Variants in BDP1 observed in about 807,000 individuals in gnomAD.
The protein encoded by BDP1 is BDP1 general transcription factor IIIB subunit, also known as transcription factor TFIIIB component B'' homolog.
A neutral mutation model predicts 266.6 loss-of-function variants in BDP1; 169 were observed. The ratio of observed to expected loss-of-function variants is 0.63; its 90% confidence interval spans 0.56 to 0.72. The LOEUF is 0.72. Ranked by LOEUF, BDP1 falls within the 30% of genes least tolerant of loss-of-function variation. The pLI is 0.00. For missense variants in BDP1, 3,015 were observed against 3,053.8 expected (o/e 0.99, Z 0.30); for synonymous variants, 1,090 against 1,022.4 (o/e 1.07, Z -1.26).
chr5:71,466,699 T>A (rs1761928785), intron 5 of BDP1, among the ~76,000 whole-genome samples: 1 of 152,216 alleles, frequency 6.6e-6, no homozygotes, highest in Non-Finnish European at 1.5e-5. Flanking sequence ...TTCTCAGTTA[T>A]AACATTAAAT....
Position 71,553,208 on chromosome 5 carries a change from A to C in BDP1, c.7088A>C (p.Asp2363Ala). 2 of 1,613,318 alleles carry C rather than the reference A, an allele frequency of 1.2e-6. No homozygotes were observed. Among genetic ancestry groups the C allele is most frequent in the Non-Finnish European group, 1.7e-6 (2 of 1,179,878 alleles). The change falls in exon 35 of 39, where the codon GAT (aspartate) becomes GCT (alanine). Residue 2363 changes from aspartate to alanine, a missense_variant. Coordinates refer to ENST00000358731, the MANE Select transcript of BDP1 (RefSeq NM_018429.3). ...DNSKKPPDNL[D>A]LVSRKRFQCR... is the part of the protein sequence containing the mutation. The stretch of plus-strand genomic sequence containing the variant: ...TCTAAAAAGCCGCCTGATAATTTGG[A>C]TCTTGTATCTAGGAAGAGATTTCAA...
intron 34 of BDP1, 95 bp from the exon 35 acceptor site, chr5:71,553,021 C>T: frequency 9.3e-7 from 1 of 1,076,954 alleles, no homozygotes; most frequent in Non-Finnish European, 1.3e-6. Context: ...CAGCCTTTAA[C>T]TTTATTATTG....
Position 71,495,419 on chromosome 5 carries a change from T to C in BDP1, c.1799+11T>C. The C allele has an allele frequency of 2.6e-6, 4 of 1,534,200 alleles. No homozygotes were observed. Among genetic ancestry groups the C allele is most frequent in the Non-Finnish European group, 2.7e-6 (3 of 1,128,374 alleles). ...AAAAAATAATTCACTGTAAGTATTT[T>C]ATACGATAGGATTTATTTATAAAAT... On this transcript the variant is annotated intron_variant, in intron 12 of 38. Coordinates refer to ENST00000358731, the MANE Select transcript of BDP1 (RefSeq NM_018429.3).
intron 19 of BDP1, among the ~76,000 whole-genome samples, chr5:71,514,163 A>G (rs1375185782): frequency 6.6e-6 from 1 of 152,216 alleles, no homozygotes; most frequent in Non-Finnish European, 1.5e-5. Context: ...TCAAAAAAAC[A>G]TTGAAACGAA....
Position 71,542,269 on chromosome 5 carries a change from A to G in BDP1, c.6412+4A>G. On this transcript the variant is annotated splice_donor_region_variant and intron_variant, in intron 30 of 38. Transcript: ENST00000358731. ...GCAGAAATGGAAACTCAAAGAGGTAAATTTTATTCTCTTAATATGTTGCAA... is the reference window on the plus strand; with the variant it reads ...GCAGAAATGGAAACTCAAAGAGGTAGATTTTATTCTCTTAATATGTTGCAA... 1.2e-6 allele frequency: 2 copies of G among 1,603,524 alleles called. No homozygotes were observed. The highest frequency in any genetic ancestry group is 1.7e-6 in the Non-Finnish European group (2 of 1,177,224).
At chr5:71,562,685 A>C in intron 38 of BDP1, 165 bp downstream of exon 38, 1 of 1,481,434 alleles carries the variant, frequency 6.8e-7, no homozygotes, top group South Asian at 1.2e-5. Context: ...GAAGAAGAAA[A>C]GGTGTTGAGT....
At chr5:71,569,466 G>A (rs1220319626), downstream of BDP1, among the ~76,000 whole-genome samples, 1 of 151,990 alleles carries the variant, frequency 6.6e-6, no homozygotes, top group African/African-American at 2.4e-5. Flanking sequence ...AAATAATAGG[G>A]CCAGGCACAG....
intron 11 of BDP1, among the ~76,000 whole-genome samples, chr5:71,491,828 C>T (rs1436418593): frequency 6.6e-6 from 1 of 152,174 alleles, no homozygotes; most frequent in Non-Finnish European, 1.5e-5. Context: ...AGCAATCCTC[C>T]CATCTCAGCC....
intron 25 of BDP1, 77 bp downstream of exon 25, chr5:71,524,400 T>C: frequency 7.3e-7 from 1 of 1,365,576 alleles, no homozygotes; most frequent in Non-Finnish European, 1.0e-6. Flanking sequence ...GGATCATTAT[T>C]TCTTCTCGTA....
Position 71,509,642 on chromosome 5 carries a change from T to C in BDP1, c.2550T>C (p.Thr850=), listed in dbSNP as rs553166194. 267 of 1,613,198 alleles carry C rather than the reference T, an allele frequency of 1.7e-4. 3 individuals are homozygous for C. The Middle Eastern group carries it at 2.0e-3, about 12-fold the overall frequency. ...AAATGGCGGCAGCATTGAGAGAAAC[T>C]GTAAGACTAGACACCTCACCAAAGG... is the stretch of plus-strand genomic sequence containing the variant. The part of the protein sequence containing the change: ...SGEMAAALRE[T]VRLDTSPKEM... The change falls in exon 17 of 39, where the codon ACT becomes ACC. Residue 850 remains threonine, a synonymous_variant. Coordinates refer to ENST00000358731, the MANE Select transcript of BDP1 (RefSeq NM_018429.3).
intron 26 of BDP1, among the ~76,000 whole-genome samples, chr5:71,534,361 T>A (rs1229202032): frequency 6.6e-6 from 1 of 152,226 alleles, no homozygotes; most frequent in Non-Finnish European, 1.5e-5. Context: ...CATTGAATAG[T>A]CTTGGCACCC....
Position 71,516,178 on chromosome 5 carries a change from G to T in BDP1, c.4767G>T (p.Arg1589Ser). The T allele has an allele frequency of 6.8e-6, 11 of 1,613,404 alleles. No homozygotes were observed. The highest frequency in any genetic ancestry group is 9.3e-6 in the Non-Finnish European group (11 of 1,179,602). The change falls in exon 21 of 39, where the codon AGG becomes AGT. Residue 1589 changes from arginine (R) to serine (S), a missense_variant. Physicochemically the swap from Arg to Ser is moderately radical, Grantham distance 110 (BLOSUM62 -1). This residue lies in a region of BDP1 where 2,383 missense variants were observed against 2,404.9 expected (regional missense o/e 0.99). Coordinates refer to ENST00000358731, the MANE Select transcript of BDP1 (RefSeq NM_018429.3). ...PRPNIRKTGQ[R>S]QIVDKGEAKG... ...CAAATATAAGAAAGACAGGACAGAG[G>T]CAAATAGTAGACAAAGGTGAAGCCA...
chr5:71,503,217 C>T (rs1241908582), intron 15 of BDP1, among the ~76,000 whole-genome samples: 1 of 152,198 alleles, frequency 6.6e-6, no homozygotes, highest in Non-Finnish European at 1.5e-5. Flanking sequence ...AAACTCCTGA[C>T]CTCAGGTGAT....
intron 32 of BDP1, among the ~76,000 whole-genome samples, chr5:71,547,560 C>T (rs1422615325): frequency 3.9e-5 from 6 of 152,188 alleles, no homozygotes; most frequent in African/African-American, 1.4e-4. Flanking sequence ...TCAAATGAGA[C>T]CAACGCAGCA....
At chr5:71,529,945 G>C (rs1172630592) in intron 25 of BDP1, among the ~76,000 whole-genome samples, 1 of 152,154 alleles carries the variant, frequency 6.6e-6, no homozygotes, top group Admixed American at 6.5e-5. Flanking sequence ...TGGGTATAAG[G>C]TTTATTTTTG....
intron 7 of BDP1, among the ~76,000 whole-genome samples, chr5:71,472,064 A>G (rs890112607): frequency 1.3e-5 from 2 of 152,232 alleles, no homozygotes; most frequent in African/African-American, 4.8e-5. Flanking sequence ...GATCTGTGTA[A>G]TTAATTATAA....
intron 30 of BDP1, 101 bp from the exon 31 acceptor site, chr5:71,544,256 C>T: frequency 9.4e-7 from 1 of 1,067,956 alleles, no homozygotes; most frequent in Non-Finnish European, 1.3e-6. Flanking sequence ...TTGGAAGAGT[C>T]ACTATATAGG....
At chr5:71,497,736 A>G (rs1209178873) in intron 13 of BDP1, among the ~76,000 whole-genome samples, 2 of 152,054 alleles carry the variant, frequency 1.3e-5, no homozygotes, top group African/African-American at 4.8e-5. Context: ...CAACATTCTC[A>G]TCTACACACA....
In BDP1 at chr5:71,540,074, A is replaced by G. The variant is rs115789541; in HGVS notation, c.6022+425A>G. ...ATGACAAATAGAGCACAAAGAGACAATAGCACTCATTGAAATAATTTAGTT... is the reference window on the plus strand; with the variant it reads ...ATGACAAATAGAGCACAAAGAGACAGTAGCACTCATTGAAATAATTTAGTT... On this transcript the variant is annotated intron_variant, in intron 28 of 38. Transcript: ENST00000358731. Among the ~76,000 whole-genome samples, 447 of 152,326 alleles carry G rather than the reference A, an allele frequency of 2.9e-3. 4 individuals are homozygous for G. The highest frequency in any genetic ancestry group is 1.0e-2 in the African/African-American group (415 of 41,576).
Sources: allele counts gnomAD v4.1 joint callset (sites outside exome capture counted in the v4.1 genomes callset), GRCh38; gene constraint gnomAD v4.1.1; regional missense constraint gnomAD v4.1.1; transcripts MANE v1.5; gene names NCBI Gene and HGNC (gene_info 2026-07-23, HGNC 2026-07-21).